Variants in IMMP2L observed in about 807,000 individuals in gnomAD.
The protein encoded by IMMP2L is mitochondrial inner membrane protease subunit 2.
Under a neutral mutation model 19.3 loss-of-function variants are expected in IMMP2L, and 18 were observed. The observed-to-expected ratio is 0.93, with a 90% confidence interval of 0.64 to 1.38. IMMP2L has a LOEUF of 1.38. Ranked by LOEUF, IMMP2L falls within the 40% of genes most tolerant of loss-of-function variation. The pLI, the probability that IMMP2L is intolerant of heterozygous loss-of-function variation, is 0.00. For missense variants in IMMP2L, 233 were observed against 218.2 expected (o/e 1.07, Z -0.43); for synonymous variants, 76 against 73.0 (o/e 1.04, Z -0.21).
intron 4 of IMMP2L, among the ~76,000 whole-genome samples, chr7:110,950,823 T>C (rs1817717818): frequency 7.4e-6 from 1 of 134,754 alleles, no homozygotes; most frequent in Admixed American, 8.0e-5. Flanking sequence ...GACAGATGAA[T>C]GGATACACAA....
intron 4 of IMMP2L, among the ~76,000 whole-genome samples, chr7:110,926,440 A>C (rs188044649): frequency 2.0e-4 from 30 of 152,268 alleles, no homozygotes; most frequent in Admixed American, 1.6e-3. Context: ...AACTAGGTTT[A>C]AAAGCCTACA....
intron 3 of IMMP2L, among the ~76,000 whole-genome samples, chr7:111,270,548 A>G (rs943364793): frequency 3.9e-5 from 6 of 152,158 alleles, no homozygotes; most frequent in Non-Finnish European, 8.8e-5. Context: ...TTCTTTAAAA[A>G]TATGATGCAG....
intron 4 of IMMP2L, among the ~76,000 whole-genome samples, chr7:110,907,989 T>C (rs1812651223): frequency 6.6e-6 from 1 of 152,140 alleles, no homozygotes; most frequent in Non-Finnish European, 1.5e-5. Flanking sequence ...GCTGGATATG[T>C]CTCATGAGCA....
At chr7:111,108,196 C>T (rs1426629385) in intron 3 of IMMP2L, among the ~76,000 whole-genome samples, 1 of 152,284 alleles carries the variant, frequency 6.6e-6, no homozygotes, top group Admixed American at 6.5e-5. Flanking sequence ...CAGCTGGCAA[C>T]AAGCATGGTC....
At chr7:111,539,844 T>A (rs1292560234) in intron 1 of IMMP2L, among the ~76,000 whole-genome samples, 1 of 152,198 alleles carries the variant, frequency 6.6e-6, no homozygotes, top group Non-Finnish European at 1.5e-5. Context: ...TTTATAGGCC[T>A]TTCTTTGTGC....
chr7:111,127,455 A>C (rs528947417), intron 3 of IMMP2L, among the ~76,000 whole-genome samples: 2 of 152,332 alleles, frequency 1.3e-5, no homozygotes, highest in South Asian at 4.1e-4. Flanking sequence ...CTGAATAGAC[A>C]TCTAGTAGTG....
At chr7:110,772,941 A>G (rs1205597586) in intron 5 of IMMP2L, among the ~76,000 whole-genome samples, 1 of 151,636 alleles carries the variant, frequency 6.6e-6, no homozygotes, top group Non-Finnish European at 1.5e-5. Flanking sequence ...ACTATCGGCC[A>G]TATTCATTTC....
At chr7:111,115,115 A>G (rs1039035369) in intron 3 of IMMP2L, among the ~76,000 whole-genome samples, 1 of 152,206 alleles carries the variant, frequency 6.6e-6, no homozygotes, top group Non-Finnish European at 1.5e-5. Context: ...ATTTGGGACC[A>G]TATAAATGCT....
intron 5 of IMMP2L, among the ~76,000 whole-genome samples, chr7:110,816,664 T>C (rs1386948527): frequency 2.0e-5 from 3 of 150,520 alleles, no homozygotes; most frequent in Admixed American, 6.6e-5. Flanking sequence ...ATTGGGTGCA[T>C]ATACATTTAG....
intron 3 of IMMP2L, among the ~76,000 whole-genome samples, chr7:111,075,946 A>C (rs764643987): frequency 3.3e-5 from 5 of 152,130 alleles, no homozygotes; most frequent in Non-Finnish European, 5.9e-5. Context: ...TTAATTGTTC[A>C]CCTCTCCCTT....
At chr7:110,866,401 G>A (rs1807987090) in intron 5 of IMMP2L, among the ~76,000 whole-genome samples, 1 of 151,702 alleles carries the variant, frequency 6.6e-6, no homozygotes, top group Non-Finnish European at 1.5e-5. Context: ...CAAGCAGAAG[G>A]AAGATTTTTA....
At chr7:111,001,454 C>A (rs1470710531) in intron 3 of IMMP2L, among the ~76,000 whole-genome samples, 2 of 151,930 alleles carry the variant, frequency 1.3e-5, no homozygotes, top group Non-Finnish European at 2.9e-5. Context: ...AACGTTTGAA[C>A]AGATTAGTTT....
intron 3 of IMMP2L, among the ~76,000 whole-genome samples, chr7:111,381,257 T>C (rs963177116): frequency 1.3e-5 from 2 of 151,812 alleles, no homozygotes; most frequent in Non-Finnish European, 2.9e-5. Flanking sequence ...CTGTAAGACA[T>C]GGGAGTCACT....
chr7:110,804,577 C>T (rs1801490952), intron 5 of IMMP2L, among the ~76,000 whole-genome samples: 1 of 152,068 alleles, frequency 6.6e-6, no homozygotes, highest in African/African-American at 2.4e-5. Flanking sequence ...GGGCACACAG[C>T]AGCTCAGCTA....
At chr7:111,045,841 T>G (rs1008521703) in intron 3 of IMMP2L, among the ~76,000 whole-genome samples, 2 of 152,190 alleles carry the variant, frequency 1.3e-5, no homozygotes, top group East Asian at 1.9e-4. Flanking sequence ...GGTAATAAAT[T>G]TGTGTTATGA....
At chr7:111,518,482 T>C (rs1846061476) in intron 2 of IMMP2L, among the ~76,000 whole-genome samples, 1 of 152,148 alleles carries the variant, frequency 6.6e-6, no homozygotes, top group Non-Finnish European at 1.5e-5. Flanking sequence ...GCTGTGTTCC[T>C]TGCAGGATGC....
chr7:111,133,587 T>C (rs1562835336), intron 3 of IMMP2L, among the ~76,000 whole-genome samples: 2 of 151,948 alleles, frequency 1.3e-5, no homozygotes, highest in Non-Finnish European at 2.9e-5. Context: ...GCTAACCATG[T>C]TAGAAACCAA....
At chr7:110,971,033 C>A (rs566722797) in intron 3 of IMMP2L, among the ~76,000 whole-genome samples, 1 of 152,056 alleles carries the variant, frequency 6.6e-6, no homozygotes, top group Admixed American at 6.6e-5. Context: ...TATCCATTGC[C>A]ATCTATATGG....
At chr7:111,305,246 T>C (rs1474698513) in intron 3 of IMMP2L, among the ~76,000 whole-genome samples, 1 of 152,102 alleles carries the variant, frequency 6.6e-6, no homozygotes, top group Non-Finnish European at 1.5e-5. Context: ...TGGCACTTTG[T>C]TTAGCAACCC....
Sources: allele counts gnomAD v4.1 joint callset (sites outside exome capture counted in the v4.1 genomes callset), GRCh38; gene constraint gnomAD v4.1.1; transcripts MANE v1.5; gene names NCBI Gene and HGNC (gene_info 2026-07-23, HGNC 2026-07-21).